Variants in TENM1 observed in about 807,000 individuals in gnomAD.
TENM1 encodes teneurin-1.
In TENM1, 35 loss-of-function variants were observed where a neutral mutation model predicts 174.8. The observed-to-expected ratio is 0.20, with a 90% CI of 0.15 to 0.27. The LOEUF is 0.27. TENM1 is among the 10% of genes least tolerant of loss of function. The pLI is 1.00. For synonymous variants in TENM1, 781 were observed against 798.7 expected (o/e 0.98, Z 0.37); for missense variants, 1,633 against 2,130.1 (o/e 0.77, Z 4.59).
intron 1 of TENM1, among the ~76,000 whole-genome samples, chrX:124,943,559 T>C (rs1017689909): frequency 3.6e-5 from 4 of 112,462 alleles, no homozygotes; most frequent in African/African-American, 1.3e-4. Flanking sequence ...TAAATTTTTG[T>C]CTGTGACCAA....
At chrX:124,876,213 A>C (rs945296529) in intron 3 of TENM1, among the ~76,000 whole-genome samples, 2 of 111,630 alleles carry the variant, frequency 1.8e-5, no homozygotes, top group Admixed American at 1.9e-4. Flanking sequence ...TACTTAGAGC[A>C]ATGTTTGGCA....
At chrX:124,709,247 G>A (rs183599156) in intron 4 of TENM1, among the ~76,000 whole-genome samples, 1 of 111,678 alleles carries the variant, frequency 9.0e-6, no homozygotes, top group East Asian at 2.8e-4. Flanking sequence ...TAAGCACAGA[G>A]AGGTTAAGTC....
the TENM1 span, among the ~76,000 whole-genome samples, chrX:125,120,166 G>A: frequency 2.2e-4 from 24 of 110,230 alleles, no homozygotes; most frequent in Middle Eastern, 9.3e-3. Context: ...TCAGTCCTAC[G>A]CACTAACAAT....
At chrX:125,102,273 G>A in the TENM1 span, among the ~76,000 whole-genome samples, 1 of 107,544 alleles carries the variant, frequency 9.3e-6, no homozygotes, top group Non-Finnish European at 1.9e-5. Context: ...AGAATTCAGG[G>A]AGTTTTACTT....
chrX:124,779,266 C>A (rs896765753), intron 3 of TENM1, among the ~76,000 whole-genome samples: 2 of 111,621 alleles, frequency 1.8e-5, no homozygotes, highest in African/African-American at 3.3e-5. Context: ...TTTATACTGC[C>A]CTCCTCAAAG....
exon 30 of TENM1, chrX:124,384,620 T>C: frequency 8.3e-7 from 1 of 1,211,159 alleles, no homozygotes; most frequent in Non-Finnish European, 1.1e-6. Context: ...TTTGGTGTGT[T>C]TCATCACTGT....
intron 20 of TENM1, among the ~76,000 whole-genome samples, chrX:124,491,897 T>C (rs1364810041): frequency 1.8e-5 from 2 of 111,538 alleles, no homozygotes; most frequent in Non-Finnish European, 3.8e-5. Context: ...AGGGCATCCA[T>C]TAGGGGCAAA....
the TENM1 span, among the ~76,000 whole-genome samples, chrX:125,096,964 A>G: frequency 8.9e-6 from 1 of 111,818 alleles, no homozygotes; most frequent in East Asian, 2.8e-4. Context: ...TTTGTTGAAA[A>G]GGTGTCAGAA....
chrX:124,573,548 C>T (rs559863205), intron 11 of TENM1, among the ~76,000 whole-genome samples: 2 of 111,997 alleles, frequency 1.8e-5, no homozygotes, highest in African/African-American at 6.5e-5. Flanking sequence ...TTAGAACTGA[C>T]TGTTCTATTG....
chrX:124,591,612 TCTATGTAAGTAATCTGAC>T (rs1158436485), intron 11 of TENM1, among the ~76,000 whole-genome samples: 2 of 111,940 alleles, frequency 1.8e-5, no homozygotes, highest in Non-Finnish European at 3.8e-5. Context: ...GATGGAGTTC[TCTATGTAAGTAATCTGAC>T]CTTTTACTCT....
At chrX:124,739,571 T>G (rs1826795051) in intron 3 of TENM1, among the ~76,000 whole-genome samples, 1 of 112,028 alleles carries the variant, frequency 8.9e-6, no homozygotes, top group Admixed American at 9.5e-5. Context: ...ATGGGTTATG[T>G]TATCTGAAAT....
At chrX:124,513,547 C>G (rs1024145170) in intron 18 of TENM1, among the ~76,000 whole-genome samples, 2 of 111,757 alleles carry the variant, frequency 1.8e-5, no homozygotes, top group African/African-American at 6.5e-5. Flanking sequence ...TTCTGCCTAC[C>G]AAATAGCTAT....
chrX:124,806,613 T>C (rs185363984), intron 3 of TENM1, among the ~76,000 whole-genome samples: 156 of 112,364 alleles, frequency 1.4e-3, no homozygotes, highest in African/African-American at 4.7e-3. Flanking sequence ...GCAGCAAACT[T>C]GTTTGCAGAA....
At chrX:124,693,028 A>G (rs190600749) in intron 5 of TENM1, among the ~76,000 whole-genome samples, 112 of 107,720 alleles carry the variant, frequency 1.0e-3, no homozygotes, top group Non-Finnish European at 5.6e-4. Flanking sequence ...AAAAAAAGAA[A>G]AAAAAAAAGA....
At chrX:124,971,978 T>G in the TENM1 span, among the ~76,000 whole-genome samples, 1 of 111,258 alleles carries the variant, frequency 9.0e-6, no homozygotes, top group African/African-American at 3.3e-5. Flanking sequence ...CTAACGCCTG[T>G]AATCCCAGCA....
chrX:124,892,218 T>C (rs1007335175), intron 3 of TENM1, among the ~76,000 whole-genome samples: 1 of 111,758 alleles, frequency 8.9e-6, no homozygotes, highest in African/African-American at 3.3e-5. Context: ...ATGAAGGGTT[T>C]ACTTAGGACA....
chrX:124,673,257 A>G (rs2051969500), intron 5 of TENM1, among the ~76,000 whole-genome samples: 1 of 111,848 alleles, frequency 8.9e-6, no homozygotes, highest in African/African-American at 3.3e-5. Context: ...GAGCTTAGCT[A>G]TGTGCTGGTG....
chrX:124,686,644 A>G (rs2052372345), intron 5 of TENM1, among the ~76,000 whole-genome samples: 1 of 112,264 alleles, frequency 8.9e-6, no homozygotes, highest in Non-Finnish European at 1.9e-5. Context: ...GTAATCCATC[A>G]CATAAACAGA....
intron 3 of TENM1, among the ~76,000 whole-genome samples, chrX:124,827,490 G>A (rs2056192492): frequency 8.9e-6 from 1 of 112,170 alleles, no homozygotes; most frequent in Admixed American, 9.4e-5. Context: ...ACCTGGCAGG[G>A]AGTGAAAATG....
Sources: gnomAD v4.1 joint callset for allele counts (sites outside exome capture counted in the v4.1 genomes callset) on GRCh38, gnomAD v4.1.1 for gene constraint, MANE v1.5 for transcripts, NCBI Gene and HGNC (gene_info 2026-07-23, HGNC 2026-07-21) for gene names.